Variants in GAMT observed in about 807,000 individuals in gnomAD.
The protein encoded by GAMT is guanidinoacetate N-methyltransferase.
In GAMT, 26 loss-of-function variants were observed where a neutral mutation model predicts 26.9. That is an observed-to-expected ratio of 0.97 (90% CI 0.71 to 1.34). GAMT has a LOEUF of 1.34. GAMT is among the 40% of genes most tolerant of loss of function. The pLI is 0.00. For synonymous variants in GAMT, 169 were observed against 149.6 expected, an observed-to-expected ratio of 1.13 and a Z score of -0.95; for missense variants, 412 against 345.0, an observed-to-expected ratio of 1.19 and a Z score of -1.54.
chr19:1,399,062 G>A lies in GAMT; in HGVS notation c.460-36C>T. The A allele has an allele frequency of 1.2e-6, 2 of 1,613,316 alleles. No homozygotes were observed. Among genetic ancestry groups the A allele is most frequent in the Non-Finnish European group, 1.7e-6 (2 of 1,179,978 alleles). ...GGAGTGGCCAGTGGTCAGGACGGAG[G>A]TGGGGGTGTGGGCAGAGGGGCTTCC... On this transcript the variant is annotated intron_variant, in intron 4 of 5. Transcript: ENST00000252288. The surrounding 1 kb of genome is among the most constrained non-coding windows in gnomAD (Gnocchi z 6.2).
chr19:1,399,257 C>A lies in GAMT; in HGVS notation c.392-62G>T. 5.1e-6 allele frequency: 8 copies of A among 1,561,638 alleles called. No homozygotes were observed. In the Admixed American group the frequency reaches 1.2e-4, roughly 23 times the overall value. On this transcript the variant is annotated intron_variant, in intron 3 of 5. Coordinates refer to ENST00000252288, the MANE Select transcript of GAMT (RefSeq NM_000156.6). The surrounding 1 kb of genome is among the most constrained non-coding windows in gnomAD (Gnocchi z 6.2). ...GGCTCAGCGCCTCACCCAGCCTCAC[C>A]CGGCTCATCCCCCAGCGGGTGGAGG...
chr19:1,399,912 C>CAAA lies in GAMT; in HGVS notation c.205_207dup (p.Phe69dup). 1 of 1,608,648 alleles carries CAAA rather than the reference C, an allele frequency of 6.2e-7. No individual in the cohort carries two copies. Among genetic ancestry groups the CAAA allele is most frequent in the Non-Finnish European group, 8.5e-7 (1 of 1,178,418 alleles). On this transcript the variant is annotated inframe_insertion, in exon 2 of 6. Transcript: ENST00000252288. This position sits in a 1 kb window ranked among gnomAD's most constrained non-coding sequence, Gnocchi z 6.2. ...ACCTTTGACGCTGCGATGGCCATGCCAAAGCCCACCTCCAGGACCCGGCCC... is the reference window on the plus strand; with the variant it reads ...ACCTTTGACGCTGCGATGGCCATGCCAAAAAAGCCCACCTCCAGGACCCGGCCC...
At chr19:1,397,884 C>T (rs1031440347) in intron 5 of GAMT, 3 of 1,133,852 alleles carry the variant, frequency 2.6e-6, no homozygotes, top group Non-Finnish European at 2.2e-6. Flanking sequence ...CCGGCTCTCA[C>T]AACAGCAGCC....
In GAMT at chr19:1,397,048, G is replaced by A. The variant is rs266811; in HGVS notation, c.*311C>T. The A allele has an allele frequency of 1.3e-5, 5 of 379,396 alleles. No homozygotes were observed. Among genetic ancestry groups the A allele is most frequent in the South Asian group, 3.2e-5 (1 of 31,040 alleles). The allele number at this position is 379,396 out of a possible 1,614,324, so 23.5% of individuals were successfully genotyped here. On this transcript the variant is annotated 3_prime_UTR_variant, in exon 6 of 6. Coordinates refer to ENST00000252288, the MANE Select transcript of GAMT (RefSeq NM_000156.6). ...CTTTTCCTGTGTCCATGGGATGGGC[G>A]GGAGGTGAGGGAGCAGCCGCTGGAA...
chr19:1,398,422 TTC>T (rs1340519680), intron 5 of GAMT: 1 of 302,518 alleles, frequency 3.3e-6, no homozygotes, highest in Non-Finnish European at 6.1e-6. Context: ...TTTTTAAATT[TTC>T]TTTCTTTCTT....
At chr19:1,400,513 C>T (rs1600159902) in intron 1 of GAMT, among the ~76,000 whole-genome samples, 1 of 152,154 alleles carries the variant, frequency 6.6e-6, no homozygotes, top group Non-Finnish European at 1.5e-5. Flanking sequence ...TGTGGGGAGG[C>T]GAGAGCCTTG....
At position 1,399,009 on chromosome 19, in the gene GAMT, C is replaced by T; in HGVS notation, c.477G>A (p.Leu159=). 1 of 1,613,486 alleles carries T rather than the reference C, an allele frequency of 6.2e-7. No homozygotes were observed. The highest frequency in any genetic ancestry group is 8.5e-7 in the Non-Finnish European group (1 of 1,179,996). ...FNFIKNHAFR[L]LKPGGVLTYC... is the part of the protein sequence containing the mutation. Reference sequence around the variant, plus strand: ...AGGTGAGGACGCCCCCCGGCTTCAGCAGGCGAAAGGCGTGGTTCTGTGGAA... The same window carrying T: ...AGGTGAGGACGCCCCCCGGCTTCAGTAGGCGAAAGGCGTGGTTCTGTGGAA... The change falls in exon 5 of 6, where the codon CTG becomes CTA. Residue 159 remains leucine (L), a synonymous_variant. Transcript: ENST00000252288. The surrounding 1 kb of genome is among the most constrained non-coding windows in gnomAD (Gnocchi z 6.2).
chr19:1,399,795 T>C lies in GAMT; in HGVS notation c.325A>G (p.Lys109Glu). ...AGGGCCTGCGGGCAGAGGGGCACCTTGTGTGTCTGCCGTGGGGCCCAGTCC... is the reference window on the plus strand; with the variant it reads ...AGGGCCTGCGGGCAGAGGGGCACCTCGTGTGTCTGCCGTGGGGCCCAGTCC... ...LRDWAPRQTH[K>E]VIPLKGLWED... The change falls in exon 2 of 6, where the codon AAG (lysine) becomes GAG (glutamate). Residue 109 changes from lysine (K) to glutamate (E), a missense_variant and splice_region_variant. Transcript: ENST00000252288. The surrounding 1 kb of genome is among the most constrained non-coding windows in gnomAD (Gnocchi z 6.2). 3 of 1,563,554 alleles carry C rather than the reference T, an allele frequency of 1.9e-6. No individual in the cohort carries two copies. Among genetic ancestry groups the C allele is most frequent in the Non-Finnish European group, 1.7e-6 (2 of 1,155,044 alleles).
chr19:1,400,638 A>G, intron 1 of GAMT, among the ~76,000 whole-genome samples: 1 of 152,116 alleles, frequency 6.6e-6, no homozygotes, highest in East Asian at 1.9e-4. Context: ...GCCAGGCAAG[A>G]CCTGGACTTG....
intron 1 of GAMT, among the ~76,000 whole-genome samples, chr19:1,400,330 C>A (rs1238272362): frequency 6.6e-6 from 1 of 152,058 alleles, no homozygotes; most frequent in Non-Finnish European, 1.5e-5. Context: ...CAGGGCTGAA[C>A]TAGGCTATGT....
chr19:1,399,679 G>T lies in GAMT; in HGVS notation c.328-92C>A. On this transcript the variant is annotated intron_variant, in intron 2 of 5. Coordinates refer to ENST00000252288, the MANE Select transcript of GAMT (RefSeq NM_000156.6). This position sits in a 1 kb window ranked among gnomAD's most constrained non-coding sequence, Gnocchi z 6.2. ...AAAGGGAGCGGCCAGGGGGACTCCC[G>T]AGAGAGAAGACCACCTCCTCCACCT... The T allele has an allele frequency of 6.6e-7, 1 of 1,522,792 alleles. No individual in the cohort carries two copies. Among genetic ancestry groups the T allele is most frequent in the South Asian group, 1.2e-5 (1 of 84,282 alleles). 94.3% of individuals were successfully genotyped at this position (1,522,792 alleles called of 1,614,324 possible).
Position 1,399,474 on chromosome 19 carries a change from G to T in GAMT, c.391+50C>A. 1.3e-6 allele frequency: 2 copies of T among 1,515,438 alleles called. No homozygotes were observed. Among genetic ancestry groups the T allele is most frequent in the Non-Finnish European group, 1.8e-6 (2 of 1,100,174 alleles). 93.9% of individuals were successfully genotyped at this position (1,515,438 alleles called of 1,614,324 possible). A position where few individuals can be genotyped will look rare whatever the true frequency, so the allele number is the denominator to read the frequency against. On this transcript the variant is annotated intron_variant, in intron 3 of 5. Transcript: ENST00000252288. This position sits in a 1 kb window ranked among gnomAD's most constrained non-coding sequence, Gnocchi z 6.2. ...GACCCCCACAAGCAAAGGAGGGGCT[G>T]CATTGGAGCTGGGGAGGCCCACCCT...
rs1335882262 is a variant in GAMT, at chr19:1,399,420, G to A, written c.391+104C>T. The A allele has an allele frequency of 9.3e-6, 11 of 1,179,482 alleles. No individual in the cohort carries two copies. In the African/African-American group the frequency reaches 1.7e-4, roughly 18 times the overall value. 73.1% of individuals were successfully genotyped at this position (1,179,482 alleles called of 1,614,324 possible). A position where few individuals can be genotyped will look rare whatever the true frequency, so the allele number is the denominator to read the frequency against. On this transcript the variant is annotated intron_variant, in intron 3 of 5. Coordinates refer to ENST00000252288, the MANE Select transcript of GAMT (RefSeq NM_000156.6). The surrounding 1 kb of genome is among the most constrained non-coding windows in gnomAD (Gnocchi z 6.2). ...CCACAGCCAGGCCCACACCCACTTGGGCTCTGTCCCCCCAGTGCACATCAG... is the reference window on the plus strand; with the variant it reads ...CCACAGCCAGGCCCACACCCACTTGAGCTCTGTCCCCCCAGTGCACATCAG...
chr19:1,399,226 G>A lies in GAMT; in HGVS notation c.392-31C>T. On this transcript the variant is annotated intron_variant, in intron 3 of 5. Coordinates refer to ENST00000252288, the MANE Select transcript of GAMT (RefSeq NM_000156.6). This position sits in a 1 kb window ranked among gnomAD's most constrained non-coding sequence, Gnocchi z 6.2. ...CGGAGAACAGAAGCCCACGCGGTCAGGGCCGGGCTCAGCGCCTCACCCAGC... is the reference window on the plus strand; with the variant it reads ...CGGAGAACAGAAGCCCACGCGGTCAAGGCCGGGCTCAGCGCCTCACCCAGC... 2 of 1,611,960 alleles carry A rather than the reference G, an allele frequency of 1.2e-6. No homozygotes were observed. Among genetic ancestry groups the A allele is most frequent in the Non-Finnish European group, 1.7e-6 (2 of 1,178,910 alleles).
chr19:1,399,161 C>T lies in GAMT; in HGVS notation c.426G>A (p.Glu142=), dbSNP rs372673897. Residue 142 remains glutamate (E), a synonymous_variant, in exon 4 of 6, where the codon GAG becomes GAA. Transcript: ENST00000252288. This position sits in a 1 kb window ranked among gnomAD's most constrained non-coding sequence, Gnocchi z 6.2. ...AGTTGAACTGGTGTGTGTGCCAGGT[C>T]TCCTCCGAGAGTGGGTACGTGTCGT... ...ILYDTYPLSE[E]TWHTHQFNFI... The T allele has an allele frequency of 1.1e-5, 17 of 1,613,652 alleles. No individual in the cohort carries two copies. Among genetic ancestry groups the T allele is most frequent in the Non-Finnish European group, 1.3e-5 (15 of 1,180,016 alleles).
At position 1,401,504 on chromosome 19, in the gene GAMT, C is replaced by A. The variant is rs2082634282; in HGVS notation, c.-28G>T. On this transcript the variant is annotated 5_prime_UTR_variant, in exon 1 of 6. Coordinates refer to ENST00000252288, the MANE Select transcript of GAMT (RefSeq NM_000156.6). The stretch of plus-strand genomic sequence containing the variant: ...TGCAGGCTGGACGGCGACCCGACCT[C>A]GATCGCGCGCCGCCCGGGCCCGCTC... 7.8e-7 allele frequency: 1 copy of A among 1,289,502 alleles called. No homozygotes were observed. The highest frequency in any genetic ancestry group is 9.8e-7 in the Non-Finnish European group (1 of 1,017,992). 79.9% of individuals were successfully genotyped at this position (1,289,502 alleles called of 1,614,324 possible).
intron 1 of GAMT, among the ~76,000 whole-genome samples, chr19:1,400,594 C>G (rs1435540159): frequency 6.6e-6 from 1 of 152,204 alleles, no homozygotes; most frequent in Non-Finnish European, 1.5e-5. Context: ...TTCTCTCCCC[C>G]TCCCTCTATC....
intron 5 of GAMT, chr19:1,398,611 A>ATTTT: frequency 1.5e-6 from 1 of 683,914 alleles, no homozygotes; most frequent in Non-Finnish European, 2.2e-6. Flanking sequence ...AGTTTTTTGT[A>ATTTT]TTTTTTTTTT....
chr19:1,399,405 GC>G lies in GAMT; in HGVS notation c.391+118del. On this transcript the variant is annotated intron_variant, in intron 3 of 5. Transcript: ENST00000252288. The surrounding 1 kb of genome is among the most constrained non-coding windows in gnomAD (Gnocchi z 6.2). ...CGGTGCTCCGCCATCCCACAGCCAGGCCCACACCCACTTGGGCTCTGTCCCC... is the reference window on the plus strand; with the variant it reads ...CGGTGCTCCGCCATCCCACAGCCAGGCCACACCCACTTGGGCTCTGTCCCC... The G allele has an allele frequency of 9.2e-7, 1 of 1,091,040 alleles. No homozygotes were observed. The highest frequency in any genetic ancestry group is 1.4e-6 in the Non-Finnish European group (1 of 736,698). 67.6% of individuals were successfully genotyped at this position (1,091,040 alleles called of 1,614,324 possible).
Sources: allele counts gnomAD v4.1 joint callset (sites outside exome capture counted in the v4.1 genomes callset), GRCh38; gene constraint gnomAD v4.1.1; non-coding constraint Gnocchi (gnomAD v3.1); transcripts MANE v1.5; gene names NCBI Gene and HGNC (gene_info 2026-07-23, HGNC 2026-07-21).